The following SLC12A1 variants were observed in gnomAD, a reference collection of about 807,000 sequenced individuals.
The protein encoded by SLC12A1 is Na-K-2Cl cotransporter.
In SLC12A1, 89 loss-of-function variants were observed where a neutral mutation model predicts 130.4. The observed-to-expected ratio is 0.68, with a 90% confidence interval of 0.58 to 0.81. The LOEUF (loss-of-function observed/expected upper bound fraction) is 0.81, where lower values mean the gene tolerates loss of function less well. Ranked by LOEUF, SLC12A1 falls within the 40% of genes least tolerant of loss-of-function variation. The pLI is 0.00. For synonymous variants in SLC12A1, 499 were observed against 460.0 expected, an observed-to-expected ratio of 1.08 and a Z score of -1.09; for missense variants, 1,310 against 1,336.4, an observed-to-expected ratio of 0.98 and a Z score of 0.31.
chr15:48,292,502 A>G (rs1198005889), intron 24 of SLC12A1, among the ~76,000 whole-genome samples: 3 of 152,352 alleles, frequency 2.0e-5, no homozygotes, highest in Admixed American at 6.5e-5. Context: ...ATTAATTGTT[A>G]TATTTATCAA....
intron 20 of SLC12A1, among the ~76,000 whole-genome samples, chr15:48,282,439 A>G (rs2042017756): frequency 6.6e-6 from 1 of 152,150 alleles, no homozygotes; most frequent in Admixed American, 6.6e-5. Context: ...AAACTAGAGG[A>G]CAAAGAGCAT....
intron 20 of SLC12A1, among the ~76,000 whole-genome samples, chr15:48,283,051 CAA>C (rs1381869979): frequency 6.6e-6 from 1 of 152,076 alleles, no homozygotes; most frequent in Admixed American, 6.5e-5. Context: ...CCCTGGCACC[CAA>C]AGAGTGTGCA....
intron 2 of SLC12A1, among the ~76,000 whole-genome samples, chr15:48,214,611 C>T (rs1263558536): frequency 6.6e-6 from 1 of 152,000 alleles, no homozygotes; most frequent in Non-Finnish European, 1.5e-5. Flanking sequence ...CCTTTTATCA[C>T]AAAGGGATAG....
chr15:48,231,513 C>G (rs973313528), intron 7 of SLC12A1, among the ~76,000 whole-genome samples: 3 of 151,894 alleles, frequency 2.0e-5, no homozygotes, highest in African/African-American at 7.3e-5. Flanking sequence ...GTTAGAGTGC[C>G]TGAATTTGAA....
chr15:48,224,307 T>A (rs909897012), intron 4 of SLC12A1: 6 of 152,164 alleles, frequency 3.9e-5, no homozygotes, highest in Non-Finnish European at 5.9e-5. Context: ...CTACCCATCT[T>A]AGGTTCATTG....
chr15:48,249,040 C>G (rs1410082349), intron 13 of SLC12A1, among the ~76,000 whole-genome samples: 3 of 151,964 alleles, frequency 2.0e-5, no homozygotes, highest in Non-Finnish European at 4.4e-5. Flanking sequence ...GACTCTATCT[C>G]AAAATAATAA....
chr15:48,255,366 AGGTGGAG>A (rs551899531), intron 15 of SLC12A1, among the ~76,000 whole-genome samples: 56 of 149,070 alleles, frequency 3.8e-4, no homozygotes, highest in African/African-American at 1.1e-3. Flanking sequence ...TGAACCCGGG[AGGTGGAG>A]GTTGCAGTGA....
At chr15:48,246,815 G>T in intron 11 of SLC12A1, 94 bp from the exon 12 acceptor site, 1 of 847,482 alleles carries the variant, frequency 1.2e-6, no homozygotes, top group Admixed American at 1.7e-5. Context: ...ATGTGAGAAT[G>T]AAGCAGGGGG....
At position 48,229,188 on chromosome 15, in the gene SLC12A1, G is replaced by A. The variant is rs1373241944; in HGVS notation, c.725-1G>A. The A allele has an allele frequency of 2.5e-6, 4 of 1,584,974 alleles. No homozygotes were observed. Among genetic ancestry groups the A allele is most frequent in the Non-Finnish European group, 3.4e-6 (4 of 1,164,412 alleles). Reference sequence around the variant, plus strand: ...TGAAGTATGTTCATTTCTTGTTTCAGGTGGGGCCTACTATCTTATTTCCAG... The same window carrying A: ...TGAAGTATGTTCATTTCTTGTTTCAAGTGGGGCCTACTATCTTATTTCCAG... On this transcript the variant is annotated splice_acceptor_variant, in intron 5 of 26. Transcript: ENST00000380993. LOFTEE classifies it high-confidence loss of function.
chr15:48,275,225 T>C (rs1265443229), intron 20 of SLC12A1, among the ~76,000 whole-genome samples: 1 of 152,188 alleles, frequency 6.6e-6, no homozygotes, highest in Admixed American at 6.5e-5. Flanking sequence ...AAAGAACATA[T>C]TGATATACTT....
chr15:48,255,789 C>T (rs371972433), intron 15 of SLC12A1, 22 bp from the exon 16 acceptor site: 5 of 1,483,860 alleles, frequency 3.4e-6, no homozygotes, highest in Non-Finnish European at 3.7e-6. Context: ...TTTTTTATGC[C>T]AATTTCCTCC....
intron 1 of SLC12A1, 40 bp from the exon 2 acceptor site, chr15:48,207,494 T>C (rs2040995591): frequency 2.7e-6 from 1 of 371,050 alleles, no homozygotes; most frequent in East Asian, 4.3e-5. Flanking sequence ...AATATATTTG[T>C]ATTACTTGGA....
chr15:48,249,279 C>A (rs1366188866), intron 13 of SLC12A1, among the ~76,000 whole-genome samples: 1 of 117,620 alleles, frequency 8.5e-6, no homozygotes, highest in Non-Finnish European at 1.5e-5. Flanking sequence ...AGAAAAGCTA[C>A]AGGGAGTTAA....
intron 20 of SLC12A1, among the ~76,000 whole-genome samples, 190 bp downstream of exon 20, chr15:48,274,843 C>A (rs1597447170): frequency 6.6e-6 from 1 of 152,162 alleles, no homozygotes; most frequent in African/African-American, 2.4e-5. Flanking sequence ...TAGCCTTTGC[C>A]CTGCTAACCA....
intron 8 of SLC12A1, 66 bp from the exon 9 acceptor site, chr15:48,234,811 G>T: frequency 4.7e-6 from 7 of 1,504,234 alleles, no homozygotes; most frequent in Non-Finnish European, 5.5e-6. Flanking sequence ...GGAAGCCAAT[G>T]GTAACTTAAT....
intron 24 of SLC12A1, among the ~76,000 whole-genome samples, chr15:48,293,128 C>G (rs936989551): frequency 6.6e-6 from 1 of 152,158 alleles, no homozygotes; most frequent in Non-Finnish European, 1.5e-5. Flanking sequence ...AGGCTGGTCT[C>G]AAGCCCCTGA....
Position 48,208,111 on chromosome 15 carries a change from T to C in SLC12A1, c.392T>C (p.Leu131Pro), listed in dbSNP as rs767106270. ...GGGCCCAAGGTCAACCGACCCAGCC[T>C]GCTTGAGATTCACGAGCAACTCGCA... ...ISGPKVNRPS[L>P]LEIHEQLAKN... The change falls in exon 2 of 27, where the codon CTG becomes CCG. Residue 131 changes from leucine to proline, a missense_variant. By Grantham distance (98) the Leu-to-Pro change is moderately conservative. Transcript: ENST00000380993. 1 of 1,594,570 alleles carries C rather than the reference T, an allele frequency of 6.3e-7. No individual in the cohort carries two copies. The highest frequency in any genetic ancestry group is 1.1e-5 in the South Asian group (1 of 88,364).
intron 11 of SLC12A1, 143 bp downstream of exon 11, chr15:48,245,047 A>G: frequency 5.2e-6 from 4 of 765,984 alleles, no homozygotes; most frequent in Admixed American, 2.4e-5. Context: ...AAATGAAAGG[A>G]GTCATACAGT....
rs771458863 is a variant in SLC12A1 at position 48,285,227 on chromosome 15, T to C, written c.2607T>C (p.Ile869=). 1.7e-5 allele frequency: 27 copies of C among 1,613,608 alleles called. No homozygotes were observed. The Middle Eastern group carries it at 9.9e-4, about 59-fold the overall frequency. ...TTAAAAAAGCTGGCAAGTTGAACATTACTAAGACAACGCCTAAAAAAGGTA... is the reference window on the plus strand; with the variant it reads ...TTAAAAAAGCTGGCAAGTTGAACATCACTAAGACAACGCCTAAAAAAGGTA... ...GLFKKAGKLN[I]TKTTPKKDGS... Residue 869 remains isoleucine, a synonymous_variant, in exon 21 of 27, where the codon ATT becomes ATC. Coordinates refer to ENST00000380993, the MANE Select transcript of SLC12A1 (RefSeq NM_000338.3).
Sources: allele counts gnomAD v4.1 joint callset (sites outside exome capture counted in the v4.1 genomes callset), GRCh38; gene constraint gnomAD v4.1.1; transcripts MANE v1.5; gene names NCBI Gene and HGNC (gene_info 2026-07-23, HGNC 2026-07-21).